The following DIS3L2 variants were observed in gnomAD, a reference collection of about 807,000 sequenced individuals.
DIS3L2 encodes the protein DIS3-like exonuclease 2.
Under a neutral mutation model 97.5 loss-of-function variants are expected in DIS3L2, and 34 were observed. The observed-to-expected ratio is 0.35, with a 90% CI of 0.27 to 0.46. The LOEUF (loss-of-function observed/expected upper bound fraction) is 0.46. DIS3L2 is among the 20% of genes least tolerant of loss of function. The pLI is 1.00. For missense variants in DIS3L2, 1,038 were observed against 1,146.0 expected, an observed-to-expected ratio of 0.91 and a Z score of 1.36; for synonymous variants, 435 against 445.2, an observed-to-expected ratio of 0.98 and a Z score of 0.29.
intron 5 of DIS3L2, among the ~76,000 whole-genome samples, chr2:232,048,564 C>A (rs576095118): frequency 2.6e-5 from 4 of 152,186 alleles, no homozygotes; most frequent in African/African-American, 9.6e-5. Context: ...AACCTTGTCT[C>A]TATTAAAAAT....
At chr2:232,117,768 T>C (rs958178815) in intron 6 of DIS3L2, among the ~76,000 whole-genome samples, 4 of 152,236 alleles carry the variant, frequency 2.6e-5, no homozygotes, top group Non-Finnish European at 4.4e-5. Flanking sequence ...TTTTCTGACA[T>C]GAATGCCACC....
At chr2:232,059,862 A>G (rs139578673) in intron 5 of DIS3L2, among the ~76,000 whole-genome samples, 1 of 152,054 alleles carries the variant, frequency 6.6e-6, no homozygotes, top group East Asian at 1.9e-4. Flanking sequence ...TGTGTACCAC[A>G]TTTTCTTTAT....
intron 1 of DIS3L2, among the ~76,000 whole-genome samples, chr2:231,991,329 A>G (rs1366187019): frequency 1.3e-5 from 2 of 152,048 alleles, no homozygotes; most frequent in Non-Finnish European, 2.9e-5. Context: ...CTGGAGTGCA[A>G]TGGCACTATC....
chr2:232,190,288 C>T (rs1037527004), intron 9 of DIS3L2, among the ~76,000 whole-genome samples: 36 of 152,004 alleles, frequency 2.4e-4, no homozygotes, highest in Non-Finnish European at 1.0e-4. Flanking sequence ...GAGCTTTGAT[C>T]ATGCCACTGC....
rs1485672348 is a variant in DIS3L2 at position 232,079,240 on chromosome 2, G to A, written c.367-8247G>A. On this transcript the variant is annotated intron_variant, in intron 5 of 20. Coordinates refer to ENST00000325385, the MANE Select transcript of DIS3L2 (RefSeq NM_152383.5). Reference sequence around the variant, plus strand: ...TGTTCATGAAACCTATATTCTAGTTGGGGAAACAGAAAGTAAATAAGGAGA... The same window carrying A: ...TGTTCATGAAACCTATATTCTAGTTAGGGAAACAGAAAGTAAATAAGGAGA... Among the ~76,000 whole-genome samples, 4 of 152,140 alleles carry A rather than the reference G, an allele frequency of 2.6e-5. No homozygotes were observed. The South Asian group carries it at 6.2e-4, about 24-fold the overall frequency.
chr2:231,970,973 C>T (rs1417056248), intron 1 of DIS3L2, among the ~76,000 whole-genome samples: 5 of 152,104 alleles, frequency 3.3e-5, no homozygotes, highest in African/African-American at 7.2e-5. Context: ...CAAACACACA[C>T]GTTAGCCTAG....
intron 8 of DIS3L2, among the ~76,000 whole-genome samples, chr2:232,149,196 T>G (rs909980332): frequency 1.0e-4 from 15 of 150,296 alleles, no homozygotes; most frequent in Non-Finnish European, 1.6e-4. Flanking sequence ...CTTAAAAGTT[T>G]TTTTTTTTTT....
At chr2:231,971,860 T>C (rs912517461) in intron 1 of DIS3L2, among the ~76,000 whole-genome samples, 19 of 148,842 alleles carry the variant, frequency 1.3e-4, no homozygotes, top group Admixed American at 1.3e-3. Flanking sequence ...GGATTACAGG[T>C]GTGAGCCACC....
intron 16 of DIS3L2, 116 bp from the exon 17 acceptor site, chr2:232,333,724 C>A: frequency 7.1e-7 from 1 of 1,404,550 alleles, no homozygotes; most frequent in Non-Finnish European, 9.4e-7. Context: ...CAACCAGCAG[C>A]CCATTAGGTC....
chr2:232,337,536 T>G (rs1696000121), downstream of DIS3L2, among the ~76,000 whole-genome samples: 1 of 151,590 alleles, frequency 6.6e-6, no homozygotes, highest in African/African-American at 2.4e-5. Context: ...CCTGCCTCAG[T>G]CCCGAGCAGA....
At chr2:232,275,615 A>G (rs1011315187) in intron 13 of DIS3L2, among the ~76,000 whole-genome samples, 8 of 152,254 alleles carry the variant, frequency 5.3e-5, no homozygotes, top group Non-Finnish European at 1.2e-4. Context: ...GTTAAGTGAC[A>G]TGGCAGATAT....
chr2:232,251,163 G>A (rs1693408374), intron 12 of DIS3L2, among the ~76,000 whole-genome samples: 1 of 152,144 alleles, frequency 6.6e-6, no homozygotes, highest in Admixed American at 6.5e-5. Context: ...TTCAACTGGA[G>A]TACAAACAAA....
intron 3 of DIS3L2, among the ~76,000 whole-genome samples, chr2:232,016,834 T>C (rs1694365668): frequency 6.6e-6 from 1 of 152,104 alleles, no homozygotes; most frequent in South Asian, 2.1e-4. Context: ...CCAGCTTCTG[T>C]ATTTGTGTTT....
intron 6 of DIS3L2, among the ~76,000 whole-genome samples, chr2:232,103,769 C>T (rs931842478): frequency 6.6e-6 from 1 of 152,140 alleles, no homozygotes; most frequent in Non-Finnish European, 1.5e-5. Flanking sequence ...AATTGAAGAA[C>T]TCATACTTGA....
At chr2:232,248,187 G>A (rs545794633) in intron 11 of DIS3L2, among the ~76,000 whole-genome samples, 5 of 151,640 alleles carry the variant, frequency 3.3e-5, no homozygotes, top group Non-Finnish European at 4.4e-5. Context: ...GTTTCTGCCC[G>A]TAAAGAAACA....
intron 9 of DIS3L2, among the ~76,000 whole-genome samples, chr2:232,195,312 G>A (rs1047248608): frequency 2.0e-5 from 3 of 152,206 alleles, no homozygotes; most frequent in African/African-American, 7.2e-5. Context: ...GAGCCAATTA[G>A]TCAAGACAGG....
intron 13 of DIS3L2, among the ~76,000 whole-genome samples, chr2:232,295,719 C>G (rs182977872): frequency 1.6e-4 from 24 of 152,340 alleles, no homozygotes; most frequent in Non-Finnish European, 3.4e-4. Flanking sequence ...ATTGCCATTT[C>G]CTGGCTTTCT....
At chr2:232,299,957 T>G in intron 13 of DIS3L2, 83 bp from the exon 14 acceptor site, 1 of 1,409,920 alleles carries the variant, frequency 7.1e-7, no homozygotes. Flanking sequence ...TGACTTCGTT[T>G]GATTTTATTT....
intron 6 of DIS3L2, among the ~76,000 whole-genome samples, chr2:232,102,177 A>G (rs1042606909): frequency 6.6e-6 from 1 of 152,238 alleles, no homozygotes; most frequent in African/African-American, 2.4e-5. Flanking sequence ...CCTAACTTCC[A>G]GTCTACTGGA....
Sources: gnomAD v4.1 joint callset for allele counts (sites outside exome capture counted in the v4.1 genomes callset) on GRCh38, gnomAD v4.1.1 for gene constraint, MANE v1.5 for transcripts, NCBI Gene and HGNC (gene_info 2026-07-23, HGNC 2026-07-21) for gene names.